The following FAN1 variants were observed in gnomAD, a reference collection of about 807,000 sequenced individuals.
FAN1 encodes the protein FANCD2 and FANCI associated nuclease 1.
Under a neutral mutation model 104.9 loss-of-function variants are expected in FAN1, and 91 were observed. That is an observed-to-expected ratio of 0.87 (90% CI 0.73 to 1.03). The LOEUF (loss-of-function observed/expected upper bound fraction) is 1.03. Ranked by LOEUF, FAN1 falls within the 50% of genes least tolerant of loss-of-function variation. FAN1 has a pLI of 0.00. For missense variants in FAN1, 1,263 were observed against 1,239.9 expected (o/e 1.02, Z -0.28); for synonymous variants, 478 against 457.6 (o/e 1.04, Z -0.57).
At chr15:30,907,392 C>T (rs2140902154) in intron 2 of FAN1, among the ~76,000 whole-genome samples, 1 of 152,174 alleles carries the variant, frequency 6.6e-6, no homozygotes, top group South Asian at 2.1e-4. Flanking sequence ...GTGGTGGGCG[C>T]CTGTAATCCC....
At chr15:30,940,249 T>A (rs1460822156) in intron 14 of FAN1, 9 of 984,334 alleles carry the variant, frequency 9.1e-6, no homozygotes, top group Non-Finnish European at 1.1e-5. Context: ...CAGTGGTAGG[T>A]AGGCTCTTGT....
At chr15:30,908,074 G>A (rs1290991511) in intron 2 of FAN1, 44 bp from the exon 3 acceptor site, 11 of 1,547,258 alleles carry the variant, frequency 7.1e-6, no homozygotes, top group Non-Finnish European at 9.6e-6. Flanking sequence ...AGGTTTAAAA[G>A]GTAAATGCAG....
In FAN1 at chr15:30,905,668, C is replaced by CGG; in HGVS notation, c.1005_1006insGG (p.Ile336GlyfsTer13). On this transcript the variant is annotated frameshift_variant, in exon 2 of 15. Transcript: ENST00000362065. LOFTEE classifies it high-confidence loss of function. ...CAGATGATGCTTCTGCATGGAGTAA[C>CGG]ATCCAAGAGGCTCCTCTGCAGGATG... 2.7e-5 allele frequency: 43 copies of CGG among 1,614,128 alleles called. No individual in the cohort carries two copies. The highest frequency in any genetic ancestry group is 3.6e-5 in the Non-Finnish European group (43 of 1,180,002).
chr15:30,904,328 T>C (rs2061918755), intron 1 of FAN1, among the ~76,000 whole-genome samples, 184 bp from the exon 2 acceptor site: 2 of 152,144 alleles, frequency 1.3e-5, no homozygotes, highest in Admixed American at 1.3e-4. Context: ...CCCAGCTCTG[T>C]CATTTTATAG....
rs1439044117 is a variant in FAN1 at position 30,908,222 on chromosome 15, A to G, written c.1339A>G (p.Ile447Val). ...GATTGCCTTAGACTTAACACCTGTGATTGAAGAATTGACGAATGCAGGCTT... is the reference window on the plus strand; with the variant it reads ...GATTGCCTTAGACTTAACACCTGTGGTTGAAGAATTGACGAATGCAGGCTT... ...EEIALDLTPV[I>V]EELTNAGFLQ... Residue 447 changes from isoleucine to valine, a missense_variant, in exon 3 of 15, where the codon ATT (isoleucine) becomes GTT (valine). By Grantham distance (29) the Ile-to-Val change is conservative (BLOSUM62 3). This residue lies in a region of FAN1 where 682 missense variants were observed against 571.1 expected (regional missense o/e 1.19). Transcript: ENST00000362065. 1 of 1,608,522 alleles carries G rather than the reference A, an allele frequency of 6.2e-7. No individual in the cohort carries two copies. The highest frequency in any genetic ancestry group is 8.5e-7 in the Non-Finnish European group (1 of 1,177,758).
chr15:30,934,049 TTTC>T (rs1566935029), intron 13 of FAN1, among the ~76,000 whole-genome samples: 1 of 152,166 alleles, frequency 6.6e-6, no homozygotes. Flanking sequence ...AATTTGTGTA[TTTC>T]TTCTTGCGTT....
At chr15:30,911,520 A>G (rs1264871910) in intron 4 of FAN1, 1 of 983,564 alleles carries the variant, frequency 1.0e-6, no homozygotes, top group African/African-American at 1.7e-5. Flanking sequence ...CTTTAATGAA[A>G]CATAGGTGTA....
chr15:30,937,537 C>T (rs1336758625), intron 14 of FAN1, among the ~76,000 whole-genome samples: 2 of 149,056 alleles, frequency 1.3e-5, no homozygotes, highest in Non-Finnish European at 3.0e-5. Flanking sequence ...CTGCAACCTC[C>T]GCCTGCTAGG....
chr15:30,904,467 G>A, intron 1 of FAN1, 45 bp from the exon 2 acceptor site: 1 of 692,710 alleles, frequency 1.4e-6, no homozygotes, highest in Non-Finnish European at 2.6e-6. Context: ...TCCCCTTGCT[G>A]AATTCATAAA....
intron 14 of FAN1, chr15:30,941,248 C>G: frequency 6.9e-7 from 1 of 1,449,848 alleles, no homozygotes; most frequent in African/African-American, 1.4e-5. Context: ...GTTACAAGAG[C>G]CAGACCTGTA....
At chr15:30,915,361 A>G (rs538941969) in intron 5 of FAN1, among the ~76,000 whole-genome samples, 23 of 152,344 alleles carry the variant, frequency 1.5e-4, no homozygotes, top group African/African-American at 5.3e-4. Flanking sequence ...GGTAGAAGGA[A>G]TAAGTTCTGT....
At chr15:30,933,100 CTT>C (rs2062758285) in intron 13 of FAN1, among the ~76,000 whole-genome samples, 1 of 152,048 alleles carries the variant, frequency 6.6e-6, no homozygotes, top group Non-Finnish European at 1.5e-5. Flanking sequence ...TAATTTGTGT[CTT>C]TTCTCTTTTT....
intron 14 of FAN1, chr15:30,940,684 A>T: frequency 1.0e-6 from 1 of 987,698 alleles, no homozygotes; most frequent in South Asian, 4.7e-5. Context: ...CTTTCAGAGG[A>T]ACAAGACTCT....
intron 8 of FAN1, among the ~76,000 whole-genome samples, chr15:30,923,576 C>CT (rs2062387041): frequency 6.6e-6 from 1 of 152,170 alleles, no homozygotes; most frequent in African/African-American, 2.4e-5. Context: ...AAGGGATCGC[C>CT]TAGCTGAGTG....
intron 2 of FAN1, among the ~76,000 whole-genome samples, chr15:30,907,206 A>AGG (rs201326195): frequency 0.037 from 5,699 of 151,990 alleles, 350 homozygotes; most frequent in African/African-American, 0.13. Context: ...TCAGCCTCCC[A>AGG]AAGCACTGGG....
chr15:30,938,497 C>G (rs1161057934), intron 14 of FAN1, among the ~76,000 whole-genome samples: 1 of 152,074 alleles, frequency 6.6e-6, no homozygotes, highest in African/African-American at 2.4e-5. Context: ...TGGGACCATC[C>G]CTAATAACTA....
chr15:30,914,435 G>A (rs1156546136), intron 5 of FAN1, among the ~76,000 whole-genome samples: 2 of 152,102 alleles, frequency 1.3e-5, no homozygotes, highest in African/African-American at 2.4e-5. Flanking sequence ...CATGATCACC[G>A]CTCACTGTAG....
Position 30,909,338 on chromosome 15 carries a change from G to A in FAN1, c.1375+1080G>A, listed in dbSNP as rs570371891. Among the ~76,000 whole-genome samples, 270 of 152,274 alleles carry A rather than the reference G, an allele frequency of 1.8e-3. 1 individual carries two copies. The highest frequency in any genetic ancestry group is 1.4e-3 in the Non-Finnish European group (98 of 68,030). On this transcript the variant is annotated intron_variant, in intron 3 of 14. Coordinates refer to ENST00000362065, the MANE Select transcript of FAN1 (RefSeq NM_014967.5). ...GATGGCGTGGGATGGGGAAAGTTGCGGGAGAGGCATAAAAGCTCAGTGAAG... is the reference window on the plus strand; with the variant it reads ...GATGGCGTGGGATGGGGAAAGTTGCAGGAGAGGCATAAAAGCTCAGTGAAG...
Position 30,942,287 on chromosome 15 carries a change from C to T in FAN1, c.*725C>T, listed in dbSNP as rs958660507. The T allele has an allele frequency of 3.2e-6, 2 of 624,902 alleles. No homozygotes were observed. Among genetic ancestry groups the T allele is most frequent in the Non-Finnish European group, 5.4e-6 (2 of 367,366 alleles). The allele number at this position is 624,902 out of a possible 1,614,324, so 38.7% of individuals were successfully genotyped here. A position where few individuals can be genotyped will look rare whatever the true frequency, so the allele number is the denominator to read the frequency against. On this transcript the variant is annotated 3_prime_UTR_variant, in exon 15 of 15. Coordinates refer to ENST00000362065, the MANE Select transcript of FAN1 (RefSeq NM_014967.5). ...CTCTACCTAGGCTGTTACTATCAGC[C>T]TGAATGGGGGCGGGATGAGAGTACC...
Sources: gnomAD v4.1 joint callset for allele counts (sites outside exome capture counted in the v4.1 genomes callset) on GRCh38, gnomAD v4.1.1 for gene constraint, gnomAD v4.1.1 regional missense constraint, MANE v1.5 for transcripts, NCBI Gene and HGNC (gene_info 2026-07-23, HGNC 2026-07-21) for gene names.